The following NOS1 variants were observed in gnomAD, a reference collection of about 807,000 sequenced individuals.
NOS1 encodes the protein nitric oxide synthase 1, also known as NOS type I.
In NOS1, 51 loss-of-function variants were observed where a neutral mutation model predicts 164.5. That is an observed-to-expected ratio of 0.31 (90% CI 0.25 to 0.39). The LOEUF is 0.39. NOS1 is among the 10% of genes least tolerant of loss of function. The probability of loss-of-function intolerance (pLI) is 1.00; values close to 1 mark genes in which losing one functional copy is unlikely to be tolerated. For synonymous variants in NOS1, 719 were observed against 745.8 expected, an observed-to-expected ratio of 0.96 and a Z score of 0.59; for missense variants, 1,362 against 1,885.6, an observed-to-expected ratio of 0.72 and a Z score of 5.14.
intron 25 of NOS1, among the ~76,000 whole-genome samples, chr12:117,224,576 C>T (rs569343707): frequency 1.3e-4 from 20 of 152,358 alleles, no homozygotes; most frequent in South Asian, 2.1e-4. Flanking sequence ...TGAGCCACCG[C>T]GCCCGGCCAA....
At position 117,330,085 on chromosome 12, in the gene NOS1, C is replaced by T. The variant is rs1875452002; in HGVS notation, c.725+260G>A. Among the ~76,000 whole-genome samples the T allele has an allele frequency of 6.6e-6, 1 of 152,234 alleles. No individual in the cohort carries two copies. The highest frequency in any genetic ancestry group is 2.4e-5 in the African/African-American group (1 of 41,446). On this transcript the variant is annotated intron_variant, in intron 2 of 28. Coordinates refer to ENST00000317775, the MANE Select transcript of NOS1 (RefSeq NM_000620.5). This position sits in a 1 kb window ranked among gnomAD's most constrained non-coding sequence, Gnocchi z 4.6. ...TAGGGGATAAAGATGAGAAGACACACTGTCTGCTACCATGATGATTAATTC... is the reference window on the plus strand; with the variant it reads ...TAGGGGATAAAGATGAGAAGACACATTGTCTGCTACCATGATGATTAATTC...
chr12:117,283,056 A>ATATTTT (rs1360367568), intron 7 of NOS1, among the ~76,000 whole-genome samples: 23 of 92,952 alleles, frequency 2.5e-4, no homozygotes, highest in African/African-American at 7.2e-4. Context: ...ATATATATAT[A>ATATTTT]TTTTTTTTTT....
At position 117,297,227 on chromosome 12, in the gene NOS1, C is replaced by T. The variant is rs187367214; in HGVS notation, c.853-6801G>A. On this transcript the variant is annotated intron_variant, in intron 3 of 28. Transcript: ENST00000317775. The stretch of plus-strand genomic sequence containing the variant: ...AGAGAGACCCATGAGGAGGATGGTG[C>T]AATGAGGCCAGGAGTAGCCATGGGG... Among the ~76,000 whole-genome samples, 12 of 152,184 alleles carry T rather than the reference C, an allele frequency of 7.9e-5. No individual in the cohort carries two copies. The East Asian group carries it at 2.3e-3, about 29-fold the overall frequency.
chr12:117,256,070 C>A, intron 16 of NOS1: 5 of 1,232,222 alleles, frequency 4.1e-6, no homozygotes, highest in Non-Finnish European at 5.4e-6. Flanking sequence ...CCCTATCTCT[C>A]CCTGAAGGAG....
chr12:117,273,053 C>T (rs888949118), intron 9 of NOS1, among the ~76,000 whole-genome samples: 1 of 152,230 alleles, frequency 6.6e-6, no homozygotes, highest in Admixed American at 6.5e-5. Flanking sequence ...GTGCTTCCAG[C>T]TCTTACTCAT....
At chr12:117,276,913 T>C (rs1018171686) in intron 9 of NOS1, among the ~76,000 whole-genome samples, 3 of 152,176 alleles carry the variant, frequency 2.0e-5, no homozygotes, top group African/African-American at 7.2e-5. Context: ...TTCCTTAGCG[T>C]TGCAGCTATT....
chr12:117,247,241 G>T, intron 18 of NOS1, 107 bp downstream of exon 18: 2 of 906,966 alleles, frequency 2.2e-6, no homozygotes, highest in Non-Finnish European at 3.3e-6. Context: ...CATGGGAGAG[G>T]TACTGAGGGT....
chr12:117,297,048 C>G (rs1347062022), intron 3 of NOS1, among the ~76,000 whole-genome samples: 2 of 152,208 alleles, frequency 1.3e-5, no homozygotes, highest in African/African-American at 4.8e-5. Flanking sequence ...CCTGAGCAAA[C>G]TAACACAAGG....
Position 117,265,391 on chromosome 12 carries a change from G to A in NOS1, c.2061C>T (p.Pro687=), listed in dbSNP as rs1872304674. ...CPADWVWIVP[P]MSGSITPVFH... is the part of the protein sequence containing the mutation. ...ACACAGGGGTGATGCTTCCGGACAT[G>A]GGGGGCACGATCCACACCCAGTCGG... Residue 687 remains proline (P), a synonymous_variant, in exon 12 of 29, where the codon CCC becomes CCT. Transcript: ENST00000317775. 3 of 1,593,348 alleles carry A rather than the reference G, an allele frequency of 1.9e-6. No homozygotes were observed. The highest frequency in any genetic ancestry group is 2.6e-6 in the Non-Finnish European group (3 of 1,169,606).
intron 1 of NOS1, among the ~76,000 whole-genome samples, chr12:117,358,351 T>G (rs1479487309): frequency 6.6e-6 from 1 of 150,856 alleles, no homozygotes; most frequent in African/African-American, 2.4e-5. Context: ...CTCTTCTCCG[T>G]GCGGTCCTTC....
Position 117,314,243 on chromosome 12 carries a change from T to C in NOS1, c.726-2651A>G, listed in dbSNP as rs549651913. ...AAACATACCCAGAGTGGCTCTTGATTACAGGCATTTCCCAAGTCAACGGCT... is the reference window on the plus strand; with the variant it reads ...AAACATACCCAGAGTGGCTCTTGATCACAGGCATTTCCCAAGTCAACGGCT... On this transcript the variant is annotated intron_variant, in intron 2 of 28. Coordinates refer to ENST00000317775, the MANE Select transcript of NOS1 (RefSeq NM_000620.5). Among the ~76,000 whole-genome samples, 13 of 152,322 alleles carry C rather than the reference T, an allele frequency of 8.5e-5. 1 individual carries two copies. The South Asian group carries it at 2.5e-3, about 29-fold the overall frequency.
At chr12:117,256,699 T>C (rs1256885786) in intron 16 of NOS1, among the ~76,000 whole-genome samples, 2 of 152,240 alleles carry the variant, frequency 1.3e-5, no homozygotes, top group East Asian at 1.9e-4. Context: ...GTTGGCCTCA[T>C]GGAAAGGCAG....
At chr12:117,336,383 G>A (rs1344145315) in intron 1 of NOS1, among the ~76,000 whole-genome samples, 3 of 152,174 alleles carry the variant, frequency 2.0e-5, no homozygotes, top group East Asian at 3.9e-4. Context: ...AGAAGCAAAG[G>A]GCTCATTCAA....
At chr12:117,242,600 T>G in intron 20 of NOS1, 27 bp downstream of exon 20, 1 of 1,592,728 alleles carries the variant, frequency 6.3e-7, no homozygotes, top group Non-Finnish European at 8.6e-7. Flanking sequence ...AAGACGTAGG[T>G]AACCCAGTGA....
chr12:117,337,107 T>G (rs1162370653), intron 1 of NOS1, among the ~76,000 whole-genome samples: 3 of 57,394 alleles, frequency 5.2e-5, no homozygotes, highest in Admixed American at 2.2e-4. Flanking sequence ...CTTTTTACTC[T>G]TTTTTTTTTT....
chr12:117,359,876 TTATATATATATATA>T lies in NOS1; in HGVS notation c.-421+1622_-421+1635del, dbSNP rs56787288. Among the ~76,000 whole-genome samples the T allele has an allele frequency of 4.1e-3, 153 of 36,922 alleles. 2 individuals carry two copies. Among genetic ancestry groups the T allele is most frequent in the African/African-American group, 7.1e-3 (83 of 11,646 alleles). 24.2% of individuals were successfully genotyped at this position (36,922 alleles called of 152,430 possible). On this transcript the variant is annotated intron_variant, in intron 1 of 28. Transcript: ENST00000317775. Reference sequence around the variant, plus strand: ...GTCCCAGAGCATTACAATAATGGTTTTATATATATATATATATATATATATATATATATATATAT... The same window carrying T: ...GTCCCAGAGCATTACAATAATGGTTTTATATATATATATATATATATATAT...
In NOS1 at chr12:117,210,138, A is replaced by AT; in HGVS notation, c.*5170_*5171insA. ...CAGGAGCATGCCATCATGCCCAGCT[A>AT]ATTTTTTTTTTTTTTTTTTTTTAGT... On this transcript the variant is annotated 3_prime_UTR_variant, in exon 29 of 29. Coordinates refer to ENST00000317775, the MANE Select transcript of NOS1 (RefSeq NM_000620.5). The AT allele has an allele frequency of 5.3e-6, 2 of 374,860 alleles. No homozygotes were observed. Among genetic ancestry groups the AT allele is most frequent in the Non-Finnish European group, 6.8e-6 (2 of 295,816 alleles). The allele number at this position is 374,860 out of a possible 1,614,324, so 23.2% of individuals were successfully genotyped here.
chr12:117,285,428 C>A, intron 6 of NOS1, 96 bp from the exon 7 acceptor site: 1 of 636,688 alleles, frequency 1.6e-6, no homozygotes, highest in Non-Finnish European at 2.7e-6. Flanking sequence ...AGATCCCACT[C>A]CAGCTGCTGC....
At chr12:117,359,298 G>C (rs1877005845) in intron 1 of NOS1, among the ~76,000 whole-genome samples, 1 of 152,236 alleles carries the variant, frequency 6.6e-6, no homozygotes, top group Non-Finnish European at 1.5e-5. Context: ...GCGGAGAATG[G>C]ACGCGACCCC....
Sources: allele counts gnomAD v4.1 joint callset (sites outside exome capture counted in the v4.1 genomes callset), GRCh38; gene constraint gnomAD v4.1.1; non-coding constraint Gnocchi (gnomAD v3.1); transcripts MANE v1.5; gene names NCBI Gene and HGNC (gene_info 2026-07-23, HGNC 2026-07-21).